The following SAMD4A variants were observed in gnomAD, a reference collection of about 807,000 sequenced individuals.
SAMD4A encodes the protein sterile alpha motif domain containing 4A.
SAMD4A carries 33 observed loss-of-function variants against 81.3 expected under a neutral mutation model. The observed-to-expected ratio is 0.41, with a 90% CI of 0.31 to 0.54. The LOEUF is 0.54. Among genes scored for constraint, SAMD4A ranks in the 20% least tolerant of loss-of-function variants. SAMD4A has a pLI of 0.37. For synonymous variants in SAMD4A, 389 were observed against 382.1 expected (o/e 1.02, Z -0.21); for missense variants, 854 against 951.1 (o/e 0.90, Z 1.34).
At chr14:54,586,580 T>C (rs770423380) in intron 2 of SAMD4A, among the ~76,000 whole-genome samples, 42 of 152,214 alleles carry the variant, frequency 2.8e-4, no homozygotes, top group Non-Finnish European at 4.1e-4. Flanking sequence ...TTGTCTTTGA[T>C]CCATCTTGAG....
At chr14:54,581,315 A>G (rs112255976) in intron 2 of SAMD4A, among the ~76,000 whole-genome samples, 3 of 152,386 alleles carry the variant, frequency 2.0e-5, no homozygotes, top group African/African-American at 7.2e-5. Context: ...AGGTTCAGGA[A>G]AAGATGACCA....
chr14:54,623,622 A>C (rs2034674783), intron 2 of SAMD4A, among the ~76,000 whole-genome samples: 1 of 55,996 alleles, frequency 1.8e-5, no homozygotes. Flanking sequence ...GGTAGGGATC[A>C]GTTGGGGAGG....
Position 54,578,967 on chromosome 14 carries a change from T to C in SAMD4A, c.196+10855T>C, listed in dbSNP as rs1178545347. On this transcript the variant is annotated intron_variant, in intron 2 of 12. Transcript: ENST00000554335. ...GTCACCCAAAAGCAGTGATAAGTGC[T>C]GAGTGTGTTAGGCACTTATTAACAA... 3.3e-5 allele frequency among the ~76,000 whole-genome samples: 5 copies of C among 152,232 alleles called. No homozygotes were observed. The South Asian group carries it at 6.2e-4, about 19-fold the overall frequency.
chr14:54,672,140 G>T (rs1433551498), intron 2 of SAMD4A, among the ~76,000 whole-genome samples: 5 of 151,374 alleles, frequency 3.3e-5, no homozygotes, highest in Non-Finnish European at 7.4e-5. Context: ...GCCCAGGCTG[G>T]ACTGGAACCC....
intron 9 of SAMD4A, among the ~76,000 whole-genome samples, chr14:54,774,458 C>G (rs1335893236): frequency 6.6e-6 from 1 of 152,138 alleles, no homozygotes; most frequent in Non-Finnish European, 1.5e-5. Context: ...AATCCCAGCA[C>G]TTTGAGAGGC....
intron 2 of SAMD4A, among the ~76,000 whole-genome samples, chr14:54,588,521 A>G (rs1325263250): frequency 2.6e-5 from 4 of 152,072 alleles, no homozygotes; most frequent in East Asian, 3.8e-4. Flanking sequence ...GTAGGCATTT[A>G]ATGCTAACCA....
chr14:54,755,367 G>A (rs149079707), intron 6 of SAMD4A, among the ~76,000 whole-genome samples: 1 of 152,248 alleles, frequency 6.6e-6, no homozygotes, highest in Non-Finnish European at 1.5e-5. Context: ...GAGTCCAGGA[G>A]CCCCACAAGG....
At chr14:54,583,074 G>C (rs907357780) in intron 2 of SAMD4A, among the ~76,000 whole-genome samples, 4 of 152,250 alleles carry the variant, frequency 2.6e-5, no homozygotes, top group African/African-American at 9.6e-5. Flanking sequence ...CTCCCGAGTA[G>C]CTGGGGCTAC....
chr14:54,722,365 C>T (rs11626556), intron 3 of SAMD4A, among the ~76,000 whole-genome samples: 88,209 of 152,074 alleles, frequency 0.58, 28,707 homozygotes, highest in East Asian at 0.81. Context: ...TATTTGATGT[C>T]CTACTTCCTG....
intron 3 of SAMD4A, among the ~76,000 whole-genome samples, chr14:54,712,761 G>T (rs1047165166): frequency 6.6e-6 from 1 of 152,132 alleles, no homozygotes; most frequent in Non-Finnish European, 1.5e-5. Context: ...ATGCACCTTG[G>T]GTCATGAGGC....
intron 2 of SAMD4A, among the ~76,000 whole-genome samples, chr14:54,684,428 C>G (rs571945553): frequency 6.6e-6 from 1 of 152,196 alleles, no homozygotes; most frequent in African/African-American, 2.4e-5. Flanking sequence ...CCAGATGGAC[C>G]GAGGCGGGTG....
At chr14:54,738,460 A>G (rs1240634436) in intron 4 of SAMD4A, among the ~76,000 whole-genome samples, 1 of 151,972 alleles carries the variant, frequency 6.6e-6, no homozygotes, top group African/African-American at 2.4e-5. Flanking sequence ...TCCCACCCCC[A>G]TTTCATTGAT....
chr14:54,789,253 C>G lies in SAMD4A; in HGVS notation c.*309C>G. The G allele has an allele frequency of 2.1e-6, 1 of 484,752 alleles. No homozygotes were observed. The highest frequency in any genetic ancestry group is 2.4e-5 in the South Asian group (1 of 41,418). The allele number at this position is 484,752 out of a possible 1,614,324, so 30.0% of individuals were successfully genotyped here. A position where few individuals can be genotyped will look rare whatever the true frequency, so the allele number is the denominator to read the frequency against. Reference sequence around the variant, plus strand: ...AATGCAGGTAGCTCTCTGGATGGAACGGGGACAGGGGAAAGAGTACTGCCA... The same window carrying G: ...AATGCAGGTAGCTCTCTGGATGGAAGGGGGACAGGGGAAAGAGTACTGCCA... On this transcript the variant is annotated 3_prime_UTR_variant, in exon 13 of 13. Coordinates refer to ENST00000554335, the MANE Select transcript of SAMD4A (RefSeq NM_015589.6).
intron 2 of SAMD4A, among the ~76,000 whole-genome samples, chr14:54,679,929 G>A (rs775776451): frequency 6.6e-6 from 1 of 152,228 alleles, no homozygotes; most frequent in Non-Finnish European, 1.5e-5. Context: ...CTGGGCCTAA[G>A]ATAGGACATG....
intron 2 of SAMD4A, among the ~76,000 whole-genome samples, chr14:54,670,698 T>G (rs2035862329): frequency 6.6e-6 from 1 of 152,224 alleles, no homozygotes; most frequent in Admixed American, 6.5e-5. Context: ...ATTGCTGCAA[T>G]TGTTGTCTTC....
Position 54,737,261 on chromosome 14 carries a change from T to C in SAMD4A, c.953T>C (p.Phe318Ser). 3 of 1,614,016 alleles carry C rather than the reference T, an allele frequency of 1.9e-6. No individual in the cohort carries two copies. The highest frequency in any genetic ancestry group is 2.5e-6 in the Non-Finnish European group (3 of 1,179,996). The change falls in exon 4 of 13, where the codon TTC becomes TCC. Residue 318 changes from phenylalanine to serine, a missense_variant. This residue lies in a region of SAMD4A where 387 missense variants were observed against 405.8 expected (regional missense o/e 0.95). Transcript: ENST00000554335. Reference sequence around the variant, plus strand: ...GATCAGACCACTGCTCGTAACACATTCCAAGAAGAAGGTAGTGGGATGAAA... The same window carrying C: ...GATCAGACCACTGCTCGTAACACATCCCAAGAAGAAGGTAGTGGGATGAAA... The part of the protein sequence containing the change: ...LEDQTTARNT[F>S]QEEGSGMKDV...
At chr14:54,687,592 G>A (rs1256359630) in intron 2 of SAMD4A, among the ~76,000 whole-genome samples, 3 of 152,146 alleles carry the variant, frequency 2.0e-5, no homozygotes, top group Non-Finnish European at 2.9e-5. Context: ...GCTTGTGATC[G>A]AGGTTAGGAA....
intron 3 of SAMD4A, among the ~76,000 whole-genome samples, chr14:54,713,097 A>G (rs541330215): frequency 2.0e-5 from 3 of 152,100 alleles, no homozygotes; most frequent in South Asian, 2.1e-4. Flanking sequence ...TTAAATTTGC[A>G]TTTACTGATT....
chr14:54,602,459 G>A (rs2034081545), intron 2 of SAMD4A, among the ~76,000 whole-genome samples: 1 of 151,832 alleles, frequency 6.6e-6, no homozygotes, highest in Non-Finnish European at 1.5e-5. Context: ...CTGGTTGCGT[G>A]GAACAGAAAC....
Sources: gnomAD v4.1 joint callset for allele counts (sites outside exome capture counted in the v4.1 genomes callset) on GRCh38, gnomAD v4.1.1 for gene constraint, gnomAD v4.1.1 regional missense constraint, MANE v1.5 for transcripts, NCBI Gene and HGNC (gene_info 2026-07-23, HGNC 2026-07-21) for gene names.